EFNA5: variants seen among roughly 807,000 people sequenced by gnomAD.
The protein encoded by EFNA5 is ephrin A5, also known as ephrin-A5.
Under a neutral mutation model 22.9 loss-of-function variants are expected in EFNA5, and 5 were observed. The ratio of observed to expected loss-of-function variants is 0.22; its 90% confidence interval spans 0.11 to 0.46. The LOEUF (loss-of-function observed/expected upper bound fraction) is 0.46, where lower values mean the gene tolerates loss of function less well. EFNA5 is among the 20% of genes least tolerant of loss of function. The pLI, the probability that EFNA5 is intolerant of heterozygous loss-of-function variation, is 0.99. For synonymous variants in EFNA5, 113 were observed against 112.2 expected, an observed-to-expected ratio of 1.01 and a Z score of -0.04; for missense variants, 237 against 293.3, an observed-to-expected ratio of 0.81 and a Z score of 1.40.
At chr5:107,465,135 T>A (rs1749939143) in intron 1 of EFNA5, among the ~76,000 whole-genome samples, 1 of 152,094 alleles carries the variant, frequency 6.6e-6, no homozygotes, top group South Asian at 2.1e-4. Flanking sequence ...GGCCAATGGT[T>A]ACCAACAGCG....
chr5:107,621,083 T>C (rs1287399638), intron 1 of EFNA5, among the ~76,000 whole-genome samples: 1 of 152,198 alleles, frequency 6.6e-6, no homozygotes, highest in African/African-American at 2.4e-5. Flanking sequence ...AGAATCATCC[T>C]TTAGGAAATG....
chr5:107,523,584 C>CCAGGCACAA (rs1292222326), intron 1 of EFNA5, among the ~76,000 whole-genome samples: 1 of 152,166 alleles, frequency 6.6e-6, no homozygotes, highest in Non-Finnish European at 1.5e-5. Context: ...TATTATGGTT[C>CCAGGCACAA]CAGGCACAAC....
At chr5:107,543,733 G>A (rs1364513088) in intron 1 of EFNA5, among the ~76,000 whole-genome samples, 3 of 152,040 alleles carry the variant, frequency 2.0e-5, no homozygotes, top group Admixed American at 6.6e-5. Flanking sequence ...TTTTTTCATA[G>A]GAATGAAAAC....
At position 107,405,121 on chromosome 5, in the gene EFNA5, C is replaced by T. The variant is rs370629011; in HGVS notation, c.419-17350G>A. 8.3e-4 allele frequency among the ~76,000 whole-genome samples: 126 copies of T among 152,234 alleles called. 2 individuals are homozygous for T. The South Asian group carries it at 0.026, about 31-fold the overall frequency. On this transcript the variant is annotated intron_variant, in intron 2 of 4. Coordinates refer to ENST00000333274, the MANE Select transcript of EFNA5 (RefSeq NM_001962.3). ...GTTCCAAGAAGAAAACTGGAAGAAC[C>T]GGCAGCGATACTCGCCATGAAAGAA...
At chr5:107,514,003 C>G (rs572085900) in intron 1 of EFNA5, among the ~76,000 whole-genome samples, 23 of 152,268 alleles carry the variant, frequency 1.5e-4, no homozygotes, top group African/African-American at 5.1e-4. Flanking sequence ...CAACCAGGAC[C>G]ACGGGGGTAG....
chr5:107,515,870 AT>A (rs1747463292), intron 1 of EFNA5, among the ~76,000 whole-genome samples: 1 of 152,212 alleles, frequency 6.6e-6, no homozygotes, highest in Non-Finnish European at 1.5e-5. Flanking sequence ...GAAACTAAAA[AT>A]CATCCCAAAG....
At chr5:107,534,164 T>C (rs1275238207) in intron 1 of EFNA5, among the ~76,000 whole-genome samples, 5 of 152,238 alleles carry the variant, frequency 3.3e-5, no homozygotes, top group Non-Finnish European at 5.9e-5. Context: ...ATAAGGTTGT[T>C]ATGATAACAG....
intron 2 of EFNA5, among the ~76,000 whole-genome samples, chr5:107,417,542 A>T (rs955533800): frequency 2.0e-5 from 3 of 152,166 alleles, no homozygotes; most frequent in Non-Finnish European, 4.4e-5. Context: ...ATACTCATGA[A>T]CTAAAATAAT....
At chr5:107,588,069 A>T (rs746268959) in intron 1 of EFNA5, among the ~76,000 whole-genome samples, 3 of 151,700 alleles carry the variant, frequency 2.0e-5, no homozygotes, top group Non-Finnish European at 4.4e-5. Context: ...GAAGCTAAAA[A>T]CTCCCAATGA....
intron 1 of EFNA5, among the ~76,000 whole-genome samples, chr5:107,481,259 A>G (rs1750452165): frequency 6.6e-6 from 1 of 152,172 alleles, no homozygotes; most frequent in Non-Finnish European, 1.5e-5. Flanking sequence ...CACTGAATAC[A>G]GGAGTGAGTT....
chr5:107,389,941 C>A (rs1262044323), intron 2 of EFNA5, among the ~76,000 whole-genome samples: 3 of 152,208 alleles, frequency 2.0e-5, no homozygotes, highest in Non-Finnish European at 4.4e-5. Flanking sequence ...GATACTGTGA[C>A]TATTATACTC....
intron 1 of EFNA5, among the ~76,000 whole-genome samples, chr5:107,432,120 G>A (rs544634286): frequency 1.3e-4 from 20 of 152,248 alleles, no homozygotes; most frequent in African/African-American, 4.6e-4. Context: ...TCTCCTCCAT[G>A]AGGTTTGTCC....
chr5:107,452,878 G>A (rs1018242165), intron 1 of EFNA5, among the ~76,000 whole-genome samples: 1 of 152,084 alleles, frequency 6.6e-6, no homozygotes, highest in Admixed American at 6.5e-5. Flanking sequence ...ACACAGAAAG[G>A]CTTAACTCCA....
chr5:107,424,296 A>G (rs1431637622), intron 2 of EFNA5, among the ~76,000 whole-genome samples: 3 of 131,318 alleles, frequency 2.3e-5, no homozygotes, highest in South Asian at 4.7e-4. Flanking sequence ...AACCTCTGCC[A>G]CCCTGGTTCA....
In EFNA5 at chr5:107,652,631, AT is replaced by A. The variant is rs1220907868; in HGVS notation, c.125+17857del. On this transcript the variant is annotated intron_variant, in intron 1 of 4. Coordinates refer to ENST00000333274, the MANE Select transcript of EFNA5 (RefSeq NM_001962.3). Reference sequence around the variant, plus strand: ...ATGCTTACAATATCAGTGGAAATGAATTAACAATCCAAATATGCTATTGGTT... The same window carrying A: ...ATGCTTACAATATCAGTGGAAATGAATAACAATCCAAATATGCTATTGGTT... Among the ~76,000 whole-genome samples, 4 of 152,368 alleles carry A rather than the reference AT, an allele frequency of 2.6e-5. No homozygotes were observed. In the South Asian group the frequency reaches 6.2e-4, roughly 24 times the overall value.
intron 2 of EFNA5, among the ~76,000 whole-genome samples, chr5:107,394,353 G>C (rs1467554748): frequency 6.6e-6 from 1 of 152,194 alleles, no homozygotes; most frequent in African/African-American, 2.4e-5. Context: ...AGTAAAGATA[G>C]AGGCCTTGGA....
chr5:107,498,955 A>AGTATGTATGTATGTATGTAT (rs60164431), intron 1 of EFNA5, among the ~76,000 whole-genome samples: 1,543 of 148,550 alleles, frequency 0.01, 12 homozygotes, highest in East Asian at 0.026. Flanking sequence ...TATGTATATA[A>AGTATGTATGTATGTATGTAT]GTATGTATGT....
At chr5:107,670,052 A>AC (rs1751156948) in intron 1 of EFNA5, among the ~76,000 whole-genome samples, 1 of 124,092 alleles carries the variant, frequency 8.1e-6, no homozygotes, top group African/African-American at 3.0e-5. Context: ...AAAAAAAAAA[A>AC]AAACTTTGGG....
intron 1 of EFNA5, among the ~76,000 whole-genome samples, chr5:107,472,817 G>A (rs1175539934): frequency 6.6e-6 from 1 of 152,226 alleles, no homozygotes; most frequent in East Asian, 1.9e-4. Context: ...AACAGATAGA[G>A]ATCAGTAACG....
Sources: gnomAD v4.1 joint callset for allele counts (sites outside exome capture counted in the v4.1 genomes callset) on GRCh38, gnomAD v4.1.1 for gene constraint, MANE v1.5 for transcripts, NCBI Gene and HGNC (gene_info 2026-07-23, HGNC 2026-07-21) for gene names.